The following TCERG1L variants were observed in gnomAD, a reference collection of about 807,000 sequenced individuals.
TCERG1L encodes the protein transcription elongation regulator 1-like protein.
Under a neutral mutation model 56.3 loss-of-function variants are expected in TCERG1L, and 37 were observed. The observed-to-expected ratio is 0.66, with a 90% confidence interval of 0.51 to 0.87. The LOEUF is 0.87. Ranked by LOEUF, TCERG1L falls within the 40% of genes least tolerant of loss-of-function variation. TCERG1L has a pLI of 0.00. For missense variants in TCERG1L, 799 were observed against 774.2 expected, an observed-to-expected ratio of 1.03 and a Z score of -0.38; for synonymous variants, 324 against 326.3, an observed-to-expected ratio of 0.99 and a Z score of 0.08.
chr10:131,251,930 G>C (rs761625208), intron 4 of TCERG1L, among the ~76,000 whole-genome samples: 2 of 152,098 alleles, frequency 1.3e-5, no homozygotes, highest in African/African-American at 4.8e-5. Flanking sequence ...GTTCAACAAT[G>C]ACTTTCTGTT....
chr10:131,291,487 C>T lies in TCERG1L; in HGVS notation c.670+16724G>A, dbSNP rs544334727. 2.4e-3 allele frequency among the ~76,000 whole-genome samples: 275 copies of T among 116,550 alleles called. 2 individuals carry two copies. The highest frequency in any genetic ancestry group is 3.3e-3 in the Admixed American group (27 of 8,130). 76.5% of individuals were successfully genotyped at this position (116,550 alleles called of 152,430 possible). A position where few individuals can be genotyped will look rare whatever the true frequency, so the allele number is the denominator to read the frequency against. On this transcript the variant is annotated intron_variant, in intron 3 of 11. Transcript: ENST00000368642. ...TGTCTCCCAGGTTGGAGTGCAGTGGCGTGATCTCGGCTCACTGCAAGCTCC... is the reference window on the plus strand; with the variant it reads ...TGTCTCCCAGGTTGGAGTGCAGTGGTGTGATCTCGGCTCACTGCAAGCTCC...
At chr10:131,246,612 G>GCACCCCACCC (rs944164802) in intron 4 of TCERG1L, among the ~76,000 whole-genome samples, 1 of 85,560 alleles carries the variant, frequency 1.2e-5, no homozygotes, top group Admixed American at 1.4e-4. Flanking sequence ...CTGCCCCACC[G>GCACCCCACCC]CACCCCACCC....
chr10:131,094,441 AAAC>A (rs1805711061), intron 11 of TCERG1L, among the ~76,000 whole-genome samples: 1 of 152,230 alleles, frequency 6.6e-6, no homozygotes, highest in African/African-American at 2.4e-5. Context: ...TGAAATATAC[AAAC>A]AACAAGATTA....
intron 3 of TCERG1L, among the ~76,000 whole-genome samples, chr10:131,302,361 T>C (rs1289233177): frequency 1.3e-5 from 2 of 151,424 alleles, no homozygotes; most frequent in Non-Finnish European, 2.9e-5. Context: ...AAAGGGGAGA[T>C]ATATATTTTT....
chr10:131,264,114 C>A (rs1237468508), intron 3 of TCERG1L, among the ~76,000 whole-genome samples: 1 of 151,774 alleles, frequency 6.6e-6, no homozygotes, highest in Non-Finnish European at 1.5e-5. Flanking sequence ...CCCCTCCCCC[C>A]ACACCCCTTT....
At chr10:131,265,606 G>A (rs372691525) in intron 3 of TCERG1L, among the ~76,000 whole-genome samples, 2 of 152,188 alleles carry the variant, frequency 1.3e-5, no homozygotes, top group African/African-American at 4.8e-5. Flanking sequence ...CAAATATTGC[G>A]ATAAAGAGAG....
chr10:131,169,692 C>CAA (rs1846068581), intron 4 of TCERG1L, among the ~76,000 whole-genome samples: 1 of 152,164 alleles, frequency 6.6e-6, no homozygotes, highest in African/African-American at 2.4e-5. Context: ...GCCACACACT[C>CAA]TATGTTTTCA....
intron 3 of TCERG1L, among the ~76,000 whole-genome samples, chr10:131,292,215 G>A (rs990219575): frequency 6.6e-6 from 1 of 152,148 alleles, no homozygotes; most frequent in Admixed American, 6.5e-5. Flanking sequence ...TAATTATTCT[G>A]TATCTGGTTC....
chr10:131,133,089 T>C (rs1206183930), intron 8 of TCERG1L, among the ~76,000 whole-genome samples: 1 of 152,190 alleles, frequency 6.6e-6, no homozygotes, highest in Non-Finnish European at 1.5e-5. Flanking sequence ...GGTCTAGTTC[T>C]ACGTGTTTTG....
At chr10:131,252,212 T>A (rs1185030728) in intron 4 of TCERG1L, among the ~76,000 whole-genome samples, 1 of 152,208 alleles carries the variant, frequency 6.6e-6, no homozygotes, top group Non-Finnish European at 1.5e-5. Context: ...ATAATGCTGC[T>A]ATGAACATGG....
chr10:131,231,210 C>T (rs537451532), intron 4 of TCERG1L, among the ~76,000 whole-genome samples: 2 of 152,288 alleles, frequency 1.3e-5, no homozygotes, highest in South Asian at 4.1e-4. Flanking sequence ...TGCAGCACGG[C>T]GGACACTGAG....
intron 4 of TCERG1L, among the ~76,000 whole-genome samples, chr10:131,194,801 T>A (rs1166158897): frequency 6.6e-6 from 1 of 152,244 alleles, no homozygotes; most frequent in East Asian, 1.9e-4. Flanking sequence ...ATTTGCAATA[T>A]CTTCTTCATC....
chr10:131,204,357 C>T (rs1398593761), intron 4 of TCERG1L, among the ~76,000 whole-genome samples: 3 of 152,246 alleles, frequency 2.0e-5, no homozygotes, highest in Non-Finnish European at 4.4e-5. Context: ...TGGGCTGGCC[C>T]GATGGCCCCA....
chr10:131,206,305 G>T (rs1437155126), intron 4 of TCERG1L, among the ~76,000 whole-genome samples: 1 of 152,194 alleles, frequency 6.6e-6, no homozygotes. Flanking sequence ...TGGGCAGGGA[G>T]GTCAGCCCGG....
chr10:131,144,987 T>C (rs1248017134), intron 7 of TCERG1L, among the ~76,000 whole-genome samples: 2 of 152,172 alleles, frequency 1.3e-5, no homozygotes, highest in African/African-American at 4.8e-5. Context: ...GTCCAAACAA[T>C]AGAAATGAGA....
At chr10:131,178,335 C>G (rs1335538191) in intron 4 of TCERG1L, among the ~76,000 whole-genome samples, 1 of 152,168 alleles carries the variant, frequency 6.6e-6, no homozygotes, top group Non-Finnish European at 1.5e-5. Flanking sequence ...TGAAACAAGA[C>G]GAGGCAGGTT....
At chr10:131,214,659 G>C (rs999818936) in intron 4 of TCERG1L, among the ~76,000 whole-genome samples, 9 of 152,266 alleles carry the variant, frequency 5.9e-5, no homozygotes, top group African/African-American at 2.2e-4. Context: ...CTCATACAGG[G>C]ATTTCCAGCG....
chr10:131,233,469 C>T (rs1252408639), intron 4 of TCERG1L, among the ~76,000 whole-genome samples: 1 of 151,778 alleles, frequency 6.6e-6, no homozygotes, highest in Non-Finnish European at 1.5e-5. Flanking sequence ...CACACACACA[C>T]ACACAGACAC....
rs995666147 is a variant in TCERG1L, at chr10:131,112,989, C to T, written c.1395+3810G>A. Among the ~76,000 whole-genome samples the T allele has an allele frequency of 1.3e-4, 18 of 141,970 alleles. 1 individual carries two copies. The highest frequency in any genetic ancestry group is 4.5e-4 in the African/African-American group (18 of 40,332). 93.1% of individuals were successfully genotyped at this position (141,970 alleles called of 152,430 possible). On this transcript the variant is annotated intron_variant, in intron 9 of 11. Coordinates refer to ENST00000368642, the MANE Select transcript of TCERG1L (RefSeq NM_174937.4). ...CAGAGTTCCCGTGAGTCCAGGTGGC[C>T]CCGGGTGGACCCGGGTAACTGTGGG...
Sources: allele counts gnomAD v4.1 joint callset (sites outside exome capture counted in the v4.1 genomes callset), GRCh38; gene constraint gnomAD v4.1.1; transcripts MANE v1.5; gene names NCBI Gene and HGNC (gene_info 2026-07-23, HGNC 2026-07-21).